THRA: variants seen among roughly 807,000 people sequenced by gnomAD.
THRA encodes the protein EAR-7.
THRA carries 13 observed loss-of-function variants against 45.0 expected under a neutral mutation model. The ratio of observed to expected loss-of-function variants is 0.29; its 90% CI spans 0.19 to 0.46. The LOEUF (loss-of-function observed/expected upper bound fraction) is 0.46. Among genes scored for constraint, THRA ranks in the 20% least tolerant of loss-of-function variants. THRA has a pLI of 1.00. For missense variants in THRA, 278 were observed against 556.1 expected, an observed-to-expected ratio of 0.50 and a Z score of 5.03; for synonymous variants, 195 against 214.0, an observed-to-expected ratio of 0.91 and a Z score of 0.78.
intron 1 of THRA, among the ~76,000 whole-genome samples, chr17:40,065,774 G>C (rs989153512): frequency 9.9e-5 from 6 of 60,796 alleles, no homozygotes; most frequent in African/African-American, 6.8e-4. Flanking sequence ...ATGGGGGAAG[G>C]GGGGGGGGGT....
At chr17:40,063,993 G>T (rs992413778) in intron 1 of THRA, among the ~76,000 whole-genome samples, 3 of 151,250 alleles carry the variant, frequency 2.0e-5, no homozygotes, top group African/African-American at 4.9e-5. Context: ...CCAGGAGGGG[G>T]AGGGGATGAA....
chr17:40,066,959 A>C (rs751612661), intron 1 of THRA, among the ~76,000 whole-genome samples: 6 of 152,188 alleles, frequency 3.9e-5, no homozygotes, highest in Non-Finnish European at 7.3e-5. Flanking sequence ...CAAACTGTAT[A>C]TGTGAGCGGT....
chr17:40,075,789 T>C (rs1307333983), intron 2 of THRA, among the ~76,000 whole-genome samples: 1 of 152,150 alleles, frequency 6.6e-6, no homozygotes, highest in Non-Finnish European at 1.5e-5. Flanking sequence ...TGGGCTGAGT[T>C]CCCCTGCACC....
At position 40,089,169 on chromosome 17, in the gene THRA, C is replaced by G. The variant is rs1450011971; in HGVS notation, c.983-37C>G. 37 of 1,603,310 alleles carry G rather than the reference C, an allele frequency of 2.3e-5. No individual in the cohort carries two copies. The Admixed American group carries it at 5.9e-4, about 25-fold the overall frequency. On this transcript the variant is annotated intron_variant, in intron 8 of 8. Coordinates refer to ENST00000450525, the MANE Select transcript of THRA (RefSeq NM_199334.5). This position sits in a 1 kb window ranked among gnomAD's most constrained non-coding sequence, Gnocchi z 6.1. The stretch of plus-strand genomic sequence containing the variant: ...ACCCTCCCCATCTCCAGGCCTTCGG[C>G]CAGCCCCTCGCCCCTCACGCCCCTC...
At chr17:40,083,081 C>A (rs1324614609) in intron 4 of THRA, among the ~76,000 whole-genome samples, 1 of 152,112 alleles carries the variant, frequency 6.6e-6, no homozygotes, top group African/African-American at 2.4e-5. Context: ...CGCCCACCAC[C>A]ATGCCCGGCT....
chr17:40,083,750 C>G, intron 4 of THRA, 85 bp from the exon 5 acceptor site: 1 of 1,495,250 alleles, frequency 6.7e-7, no homozygotes. Flanking sequence ...TGCTCTCCAC[C>G]CCTGACCCCT....
intron 4 of THRA, among the ~76,000 whole-genome samples, chr17:40,078,654 C>T (rs1453940891): frequency 1.3e-5 from 2 of 150,704 alleles, no homozygotes; most frequent in Non-Finnish European, 3.0e-5. Context: ...TTGAAACAAA[C>T]ATCAGTGTTA....
chr17:40,064,934 T>G (rs190219028), intron 1 of THRA, among the ~76,000 whole-genome samples: 1 of 152,308 alleles, frequency 6.6e-6, no homozygotes, highest in East Asian at 1.9e-4. Context: ...TACACACAAC[T>G]GCAGCCTGTG....
At position 40,091,797 on chromosome 17, in the gene THRA, A is replaced by G. The variant is rs1987565874; in HGVS notation, c.*2341A>G. ...TCTGCGTGAATGTGTGAGTGAGTAC[A>G]CATGGTAGGGGAGGAGCCAGGGCGA... On this transcript the variant is annotated 3_prime_UTR_variant, in exon 9 of 9. Coordinates refer to ENST00000450525, the MANE Select transcript of THRA (RefSeq NM_199334.5). 6 of 152,112 alleles carry G rather than the reference A, an allele frequency of 3.9e-5. No individual in the cohort carries two copies. Among genetic ancestry groups the G allele is most frequent in the Admixed American group, 3.9e-4 (6 of 15,260 alleles). The allele number at this position is 152,112 out of a possible 1,614,324, so 9.4% of individuals were successfully genotyped here.
chr17:40,071,303 C>G (rs1283913972), intron 1 of THRA, among the ~76,000 whole-genome samples: 1 of 152,220 alleles, frequency 6.6e-6, no homozygotes, highest in Non-Finnish European at 1.5e-5. Flanking sequence ...CAGAAACTCC[C>G]CTCTGGCAGC....
In THRA at chr17:40,070,847, TAGAC is replaced by T. The variant is rs552457005; in HGVS notation, c.-297-3342_-297-3339del. The stretch of plus-strand genomic sequence containing the variant: ...CCCCCAGCCTGCATGGGGTGGGACT[TAGAC>T]AGGGTACGAAGCCCCCCACCCATCT... On this transcript the variant is annotated intron_variant, in intron 1 of 8. Coordinates refer to ENST00000450525, the MANE Select transcript of THRA (RefSeq NM_199334.5). 4.3e-4 allele frequency among the ~76,000 whole-genome samples: 65 copies of T among 150,858 alleles called. No individual in the cohort carries two copies. In the East Asian group the frequency reaches 6.7e-3, roughly 16 times the overall value.
chr17:40,093,390 C>T (rs1479549415), downstream of THRA: 1 of 1,607,426 alleles, frequency 6.2e-7, no homozygotes, highest in South Asian at 1.1e-5. This position sits in a 1 kb window ranked among gnomAD's most constrained non-coding sequence, Gnocchi z 5.9. Context: ...TGAAGCCCCC[C>T]AGAAGGCCGA....
At chr17:40,073,114 C>T (rs1986835536) in intron 1 of THRA, among the ~76,000 whole-genome samples, 2 of 152,190 alleles carry the variant, frequency 1.3e-5, no homozygotes, top group Admixed American at 6.5e-5. Flanking sequence ...GGGGGTGGGG[C>T]CAGGGGGCCT....
chr17:40,066,126 C>T (rs556696879), intron 1 of THRA, among the ~76,000 whole-genome samples: 68 of 152,280 alleles, frequency 4.5e-4, no homozygotes, highest in Middle Eastern at 3.4e-3. Context: ...ATGTACTAAG[C>T]GAGGCCCTCC....
At chr17:40,071,925 C>T (rs1986791475) in intron 1 of THRA, among the ~76,000 whole-genome samples, 1 of 152,148 alleles carries the variant, frequency 6.6e-6, no homozygotes, top group Non-Finnish European at 1.5e-5. Flanking sequence ...GTGCCCTAGG[C>T]AGCAAGGGCA....
In THRA at chr17:40,091,231, TACACACACACACACACACACACAC is replaced by T. The variant is rs71152640; in HGVS notation, c.*1792_*1815del. On this transcript the variant is annotated 3_prime_UTR_variant, in exon 9 of 9. Transcript: ENST00000450525. The stretch of plus-strand genomic sequence containing the variant: ...TGACCCTCAGCCTGCCACAGCCCCC[TACACACACACACACACACACACAC>T]ACACACACACACACACGGACATGCA... 1 of 141,240 alleles carries T rather than the reference TACACACACACACACACACACACAC, an allele frequency of 7.1e-6. No individual in the cohort carries two copies. Among genetic ancestry groups the T allele is most frequent in the Non-Finnish European group, 1.5e-5 (1 of 65,192 alleles). The allele number at this position is 141,240 out of a possible 1,614,324, so 8.7% of individuals were successfully genotyped here. A position where few individuals can be genotyped will look rare whatever the true frequency, so the allele number is the denominator to read the frequency against.
chr17:40,062,497 C>T (rs1986388781), upstream of THRA: 1 of 152,064 alleles, frequency 6.6e-6, no homozygotes, highest in Admixed American at 6.6e-5. Context: ...AACTCCCAAA[C>T]AAACTACACC....
intron 4 of THRA, among the ~76,000 whole-genome samples, chr17:40,078,899 CTT>C (rs769081920): frequency 6.6e-6 from 1 of 151,682 alleles, no homozygotes; most frequent in Non-Finnish European, 1.5e-5. Flanking sequence ...GCCCAGCTAA[CTT>C]TTATATTTTT....
At chr17:40,073,602 C>T (rs567710647) in intron 1 of THRA, among the ~76,000 whole-genome samples, 3 of 152,148 alleles carry the variant, frequency 2.0e-5, no homozygotes, top group Non-Finnish European at 4.4e-5. Context: ...CGAGACCTTG[C>T]GTGGGAAGCT....
Sources: allele counts gnomAD v4.1 joint callset (sites outside exome capture counted in the v4.1 genomes callset), GRCh38; gene constraint gnomAD v4.1.1; non-coding constraint Gnocchi (gnomAD v3.1); transcripts MANE v1.5; gene names NCBI Gene and HGNC (gene_info 2026-07-23, HGNC 2026-07-21).